The following ARK2C variants were observed in gnomAD, a reference collection of about 807,000 sequenced individuals.
ARK2C encodes the protein arkadia (RNF111) C-terminal like ring finger ubiquitin ligase 2C.
At chr18:46,352,519 T>G in the ARK2C span, among the ~76,000 whole-genome samples, 1 of 152,142 alleles carries the variant, frequency 6.6e-6, no homozygotes, top group Non-Finnish European at 1.5e-5. Flanking sequence ...ATAGCAACTC[T>G]CAGAACAGCC....
the ARK2C span, among the ~76,000 whole-genome samples, chr18:46,354,331 A>G: frequency 2.0e-5 from 3 of 152,218 alleles, no homozygotes; most frequent in African/African-American, 7.2e-5. Context: ...CACACCTCCC[A>G]GCATTAGAGT....
At chr18:46,408,534 G>A in the ARK2C span, among the ~76,000 whole-genome samples, 1 of 152,246 alleles carries the variant, frequency 6.6e-6, no homozygotes, top group African/African-American at 2.4e-5. Context: ...CTTACCCGTA[G>A]TCAAACAGAG....
chr18:46,460,288 A>C, the ARK2C span: 1 of 152,594 alleles, frequency 6.6e-6, no homozygotes, highest in African/African-American at 2.4e-5. Flanking sequence ...GGGCTGTAGC[A>C]ACGTCTGTCA....
chr18:46,398,070 T>C, the ARK2C span, among the ~76,000 whole-genome samples: 49 of 135,084 alleles, frequency 3.6e-4, no homozygotes, highest in Non-Finnish European at 1.7e-4. Context: ...GTGTGTGTGG[T>C]CATGCTGACG....
the ARK2C span, among the ~76,000 whole-genome samples, chr18:46,416,915 C>G: frequency 2.0e-5 from 3 of 152,288 alleles, no homozygotes; most frequent in Non-Finnish European, 4.4e-5. Flanking sequence ...CGTGGCCATG[C>G]CCAGAGGCAA....
At chr18:46,405,738 G>A in the ARK2C span, among the ~76,000 whole-genome samples, 1 of 152,176 alleles carries the variant, frequency 6.6e-6, no homozygotes, top group East Asian at 1.9e-4. Context: ...CATCCAGGAT[G>A]GGTTGAATAT....
the ARK2C span, among the ~76,000 whole-genome samples, chr18:46,347,301 C>G: frequency 1.3e-5 from 2 of 152,194 alleles, no homozygotes; most frequent in African/African-American, 4.8e-5. Flanking sequence ...ATCGGGCCCT[C>G]TCATTTCATT....
chr18:46,396,226 C>T, the ARK2C span, among the ~76,000 whole-genome samples: 5 of 152,214 alleles, frequency 3.3e-5, no homozygotes, highest in African/African-American at 1.2e-4. Flanking sequence ...GACTCTACCT[C>T]TTGACTGAGA....
At chr18:46,434,473 G>A in the ARK2C span, among the ~76,000 whole-genome samples, 7,568 of 152,210 alleles carry the variant, frequency 0.05, 269 homozygotes, top group Non-Finnish European at 0.072. Flanking sequence ...CTTAATAGAA[G>A]GCAGCTGTGT....
chr18:46,454,786 G>A, the ARK2C span, among the ~76,000 whole-genome samples: 1 of 152,158 alleles, frequency 6.6e-6, no homozygotes, highest in East Asian at 1.9e-4. Flanking sequence ...TTCTTCTTAT[G>A]GTTATTGTTA....
At chr18:46,437,247 C>G in the ARK2C span, among the ~76,000 whole-genome samples, 1 of 151,904 alleles carries the variant, frequency 6.6e-6, no homozygotes, top group African/African-American at 2.4e-5. Context: ...GATGCTGATT[C>G]TCCTCCCTTG....
At chr18:46,379,376 T>C in the ARK2C span, among the ~76,000 whole-genome samples, 1 of 152,214 alleles carries the variant, frequency 6.6e-6, no homozygotes, top group Non-Finnish European at 1.5e-5. Context: ...AGCGCTGGTT[T>C]CTTTTCAGGG....
chr18:46,397,030 C>T, the ARK2C span, among the ~76,000 whole-genome samples: 1 of 152,214 alleles, frequency 6.6e-6, no homozygotes, highest in South Asian at 2.1e-4. Context: ...GAGCGTGGCC[C>T]AGATTCTTAG....
chr18:46,357,844 C>T, the ARK2C span, among the ~76,000 whole-genome samples: 10 of 152,204 alleles, frequency 6.6e-5, no homozygotes, highest in Admixed American at 5.2e-4. Flanking sequence ...AAGCTGTCCG[C>T]GGGGCCAGCC....
the ARK2C span, chr18:46,334,301 C>T: frequency 5.1e-6 from 8 of 1,583,046 alleles, 1 homozygote; most frequent in South Asian, 5.7e-5. The surrounding 1 kb of genome is among the most constrained non-coding windows in gnomAD (Gnocchi z 4.4). Context: ...TCGGCTATCT[C>T]GTGCTTCCAG....
chr18:46,421,555 C>A, the ARK2C span, among the ~76,000 whole-genome samples: 1 of 152,198 alleles, frequency 6.6e-6, no homozygotes, highest in Non-Finnish European at 1.5e-5. Context: ...TGTCCATACA[C>A]TTTGTTGGTT....
the ARK2C span, among the ~76,000 whole-genome samples, chr18:46,385,104 T>A: frequency 6.6e-6 from 1 of 152,186 alleles, no homozygotes; most frequent in Non-Finnish European, 1.5e-5. Flanking sequence ...TCCAGCCAAC[T>A]CTGGCGTATA....
At chr18:46,460,325 C>T in the ARK2C span, 2 of 152,030 alleles carry the variant, frequency 1.3e-5, no homozygotes, top group Non-Finnish European at 2.9e-5. Context: ...ATCTCCTGCG[C>T]GCGTAGAGCA....
the ARK2C span, among the ~76,000 whole-genome samples, chr18:46,352,010 G>A: frequency 6.6e-6 from 1 of 152,208 alleles, no homozygotes; most frequent in Non-Finnish European, 1.5e-5. Flanking sequence ...CCTTCAGAAT[G>A]CAATGGAGTC....
Sources: gnomAD v4.1 joint callset for allele counts (sites outside exome capture counted in the v4.1 genomes callset) on GRCh38, gnomAD v4.1.1 for gene constraint, Gnocchi (gnomAD v3.1) non-coding constraint, MANE v1.5 for transcripts, NCBI Gene and HGNC (gene_info 2026-07-23, HGNC 2026-07-21) for gene names.